The following KCNB2 variants were observed in gnomAD, a reference collection of about 807,000 sequenced individuals.
KCNB2 encodes delayed rectifier potassium channel protein.
A neutral mutation model predicts 61.5 loss-of-function variants in KCNB2; 15 were observed. That is an observed-to-expected ratio of 0.24 (90% CI 0.16 to 0.38). The LOEUF (loss-of-function observed/expected upper bound fraction) is 0.38. Ranked by LOEUF, KCNB2 falls within the 10% of genes least tolerant of loss-of-function variation. KCNB2 has a pLI of 1.00. For missense variants in KCNB2, 828 were observed against 1,125.2 expected (o/e 0.74, Z 3.78); for synonymous variants, 457 against 446.0 (o/e 1.02, Z -0.31).
chr8:72,616,445 T>A (rs1805621240), intron 2 of KCNB2, among the ~76,000 whole-genome samples: 1 of 152,190 alleles, frequency 6.6e-6, no homozygotes, highest in African/African-American at 2.4e-5. Context: ...ATCACCAAAG[T>A]CAGCCACATC....
chr8:72,555,396 T>G (rs1055218192), intron 1 of KCNB2, among the ~76,000 whole-genome samples: 1 of 151,812 alleles, frequency 6.6e-6, no homozygotes, highest in Admixed American at 6.6e-5. Context: ...CCCTACTTTC[T>G]AGGAAATGTA....
chr8:72,676,478 TCTC>T (rs1806655312), intron 2 of KCNB2, among the ~76,000 whole-genome samples: 1 of 151,262 alleles, frequency 6.6e-6, no homozygotes, highest in Non-Finnish European at 1.5e-5. Flanking sequence ...CTTATTATCT[TCTC>T]CTTACACATC....
chr8:72,558,521 A>T (rs1014184504), intron 1 of KCNB2, among the ~76,000 whole-genome samples: 1 of 152,238 alleles, frequency 6.6e-6, no homozygotes, highest in East Asian at 1.9e-4. Flanking sequence ...AGAATATTTC[A>T]TACGTGGAAG....
chr8:72,752,722 T>A (rs761807575), intron 2 of KCNB2, among the ~76,000 whole-genome samples: 107 of 152,330 alleles, frequency 7.0e-4, no homozygotes, highest in Admixed American at 7.8e-4. Flanking sequence ...TATGCATATA[T>A]CGATATAGAT....
At position 72,708,921 on chromosome 8, in the gene KCNB2, G is replaced by T. The variant is rs142228762; in HGVS notation, c.579+140608G>T. On this transcript the variant is annotated intron_variant, in intron 2 of 2. Transcript: ENST00000523207. ...AGCCTTAGTTACATGAGAGATTTTA[G>T]AAATCAAACTCTCTCCCAGGATCCC... Among the ~76,000 whole-genome samples, 478 of 152,184 alleles carry T rather than the reference G, an allele frequency of 3.1e-3. 3 individuals are homozygous for T. Among genetic ancestry groups the T allele is most frequent in the African/African-American group, 0.011 (451 of 41,534 alleles).
intron 2 of KCNB2, among the ~76,000 whole-genome samples, chr8:72,604,479 C>G (rs1306836252): frequency 6.6e-6 from 1 of 152,102 alleles, no homozygotes; most frequent in East Asian, 1.9e-4. Context: ...TAAATTTGAG[C>G]CTCAGTTGCC....
intron 2 of KCNB2, among the ~76,000 whole-genome samples, chr8:72,650,669 A>G (rs569682392): frequency 2.0e-5 from 3 of 152,252 alleles, no homozygotes; most frequent in South Asian, 4.1e-4. Flanking sequence ...CTGATGAGAG[A>G]GTGTGTCTAG....
chr8:72,894,849 T>G (rs553937492), intron 2 of KCNB2, among the ~76,000 whole-genome samples: 51 of 152,176 alleles, frequency 3.4e-4, no homozygotes, highest in Non-Finnish European at 6.5e-4. Context: ...GGACATTCAG[T>G]GAGAACACAG....
intron 2 of KCNB2, among the ~76,000 whole-genome samples, chr8:72,667,006 T>TGTGAGAGAGAGA (rs141712140): frequency 3.4e-5 from 5 of 147,830 alleles, no homozygotes; most frequent in African/African-American, 1.3e-4. Context: ...TGTGTGTGTG[T>TGTGAGAGAGAGA]GAGAGAGAGA....
At chr8:72,684,664 A>G (rs1406380975) in intron 2 of KCNB2, among the ~76,000 whole-genome samples, 2 of 152,296 alleles carry the variant, frequency 1.3e-5, no homozygotes, top group Middle Eastern at 3.4e-3. Flanking sequence ...TCCTGGTACC[A>G]TGGGGAACTC....
At chr8:72,620,206 A>G (rs1270199677) in intron 2 of KCNB2, among the ~76,000 whole-genome samples, 2 of 152,226 alleles carry the variant, frequency 1.3e-5, no homozygotes, top group African/African-American at 2.4e-5. Flanking sequence ...TGGTTACTCT[A>G]CAGGGAAACA....
At chr8:72,805,589 C>G (rs1663606435) in intron 2 of KCNB2, among the ~76,000 whole-genome samples, 1 of 152,188 alleles carries the variant, frequency 6.6e-6, no homozygotes, top group African/African-American at 2.4e-5. Context: ...AGAGTTATCA[C>G]AGTCTATTGA....
intron 2 of KCNB2, among the ~76,000 whole-genome samples, chr8:72,707,770 A>T (rs1408874819): frequency 6.6e-6 from 1 of 152,182 alleles, no homozygotes; most frequent in African/African-American, 2.4e-5. Flanking sequence ...AATCATCTAG[A>T]TATGATTTGG....
chr8:72,840,764 T>G (rs1809868435), intron 2 of KCNB2, among the ~76,000 whole-genome samples: 1 of 152,220 alleles, frequency 6.6e-6, no homozygotes, highest in Admixed American at 6.5e-5. Flanking sequence ...TTTTTTTTCT[T>G]GTAAATTTGT....
At chr8:72,730,955 T>C (rs1348762985) in intron 2 of KCNB2, among the ~76,000 whole-genome samples, 2 of 152,212 alleles carry the variant, frequency 1.3e-5, no homozygotes, top group African/African-American at 4.8e-5. Context: ...TGCAGGGGTT[T>C]AGCTTTCCTG....
chr8:72,570,136 A>G (rs1474706127), intron 2 of KCNB2, among the ~76,000 whole-genome samples: 2 of 152,308 alleles, frequency 1.3e-5, no homozygotes, highest in East Asian at 3.9e-4. Context: ...AACTATGACC[A>G]TGGCTCATTA....
chr8:72,882,032 G>A (rs535371866), intron 2 of KCNB2, among the ~76,000 whole-genome samples: 13 of 152,176 alleles, frequency 8.5e-5, no homozygotes, highest in African/African-American at 3.1e-4. Flanking sequence ...GAGCAGTTCT[G>A]TACCAATTCT....
intron 2 of KCNB2, among the ~76,000 whole-genome samples, chr8:72,785,095 T>C (rs542489127): frequency 1.4e-4 from 22 of 152,340 alleles, no homozygotes; most frequent in South Asian, 8.3e-4. Context: ...AAAGGGAATG[T>C]GGCTTGCTGC....
rs1806932120 is a variant in KCNB2 at position 72,937,266 on chromosome 8, C to A, written c.1911C>A (p.Leu637=). Residue 637 remains leucine, a synonymous_variant, in exon 3 of 3, where the codon CTC becomes CTA. Coordinates refer to ENST00000523207, the MANE Select transcript of KCNB2 (RefSeq NM_004770.3). ...TGCAGATGAAGTTCCCAACCGACCT[C>A]CCAGGGACAGAAGAGCACCAAAGAG... ...SHLQMKFPTD[L]PGTEEHQRAR... The A allele has an allele frequency of 6.2e-7, 1 of 1,614,022 alleles. No homozygotes were observed. The highest frequency in any genetic ancestry group is 8.5e-7 in the Non-Finnish European group (1 of 1,180,000).
Sources: gnomAD v4.1 joint callset for allele counts (sites outside exome capture counted in the v4.1 genomes callset) on GRCh38, gnomAD v4.1.1 for gene constraint, MANE v1.5 for transcripts, NCBI Gene and HGNC (gene_info 2026-07-23, HGNC 2026-07-21) for gene names.